The following PCDH15 variants were observed in gnomAD, a reference collection of about 807,000 sequenced individuals.
PCDH15 encodes the protein protocadherin related 15.
Under a neutral mutation model 178.5 loss-of-function variants are expected in PCDH15, and 129 were observed. The ratio of observed to expected loss-of-function variants is 0.72; its 90% CI spans 0.63 to 0.84. The LOEUF (loss-of-function observed/expected upper bound fraction) is 0.84. Ranked by LOEUF, PCDH15 falls within the 40% of genes least tolerant of loss-of-function variation. PCDH15 has a pLI of 0.00. For synonymous variants in PCDH15, 800 were observed against 732.0 expected (o/e 1.09, Z -1.50); for missense variants, 2,230 against 2,099.9 (o/e 1.06, Z -1.21).
At chr10:54,007,808 A>C (rs2092436085) in intron 20 of PCDH15, among the ~76,000 whole-genome samples, 1 of 152,158 alleles carries the variant, frequency 6.6e-6, no homozygotes, top group Admixed American at 6.6e-5. Flanking sequence ...TTTTGAAAGA[A>C]AGAACTTCAA....
At chr10:54,293,489 C>T (rs191446952) in intron 8 of PCDH15, among the ~76,000 whole-genome samples, 91 of 152,266 alleles carry the variant, frequency 6.0e-4, no homozygotes, top group African/African-American at 2.1e-3. Flanking sequence ...AACTAAAGAG[C>T]TTCTGCACAG....
intron 8 of PCDH15, among the ~76,000 whole-genome samples, chr10:54,274,012 A>T (rs564830038): frequency 6.6e-6 from 1 of 152,210 alleles, no homozygotes; most frequent in Middle Eastern, 3.4e-3. Flanking sequence ...GGAGGCCATT[A>T]TCCTTAGCAA....
At chr10:54,731,538 TG>T (rs1274573737) in intron 1 of PCDH15, among the ~76,000 whole-genome samples, 22 of 15,020 alleles carry the variant, frequency 1.5e-3, no homozygotes, top group Non-Finnish European at 2.9e-3. Context: ...AAAGAAAATG[TG>T]AGATAGATAT....
intron 2 of PCDH15, among the ~76,000 whole-genome samples, chr10:55,591,087 A>G (rs1842834428): frequency 6.6e-6 from 1 of 152,106 alleles, no homozygotes; most frequent in East Asian, 1.9e-4. Context: ...ATCTTCTATC[A>G]AAAACACCGA....
chr10:54,946,202 T>C (rs1482245660), intron 2 of PCDH15, among the ~76,000 whole-genome samples: 1 of 151,814 alleles, frequency 6.6e-6, no homozygotes, highest in East Asian at 1.9e-4. Flanking sequence ...ATATGAGTGG[T>C]ATATAGATGA....
intron 2 of PCDH15, among the ~76,000 whole-genome samples, chr10:55,363,648 G>C (rs777810355): frequency 6.6e-6 from 1 of 151,928 alleles, no homozygotes; most frequent in African/African-American, 2.4e-5. Context: ...TGGTTGGGAT[G>C]TGGGGGGACG....
intron 3 of PCDH15, among the ~76,000 whole-genome samples, chr10:54,427,818 A>T (rs1956480840): frequency 6.6e-6 from 1 of 152,164 alleles, no homozygotes; most frequent in African/African-American, 2.4e-5. Context: ...AGGGAAAGTT[A>T]TTCAAATATT....
chr10:55,296,963 T>C (rs748039869), intron 1 of PCDH15, among the ~76,000 whole-genome samples: 5 of 152,142 alleles, frequency 3.3e-5, no homozygotes, highest in Non-Finnish European at 7.4e-5. Flanking sequence ...ATAATTTTTG[T>C]GGGATGTACT....
chr10:53,957,374 A>G (rs891443098), intron 23 of PCDH15, among the ~76,000 whole-genome samples: 6 of 152,162 alleles, frequency 3.9e-5, no homozygotes, highest in African/African-American at 7.2e-5. Flanking sequence ...CAAAATTAAC[A>G]TGTTCAGAGA....
At chr10:54,123,871 G>A (rs2041769958) in intron 15 of PCDH15, among the ~76,000 whole-genome samples, 2 of 152,210 alleles carry the variant, frequency 1.3e-5, no homozygotes, top group South Asian at 4.1e-4. Context: ...ACAGCTGGAG[G>A]CCATCATCCT....
intron 32 of PCDH15, chr10:53,822,176 G>A: frequency 6.2e-7 from 1 of 1,613,946 alleles, no homozygotes; most frequent in South Asian, 1.1e-5. Context: ...GCATCAAGTT[G>A]GTCGTGCATT....
intron 2 of PCDH15, among the ~76,000 whole-genome samples, chr10:54,594,681 A>C (rs1395065952): frequency 6.6e-6 from 1 of 152,194 alleles, no homozygotes; most frequent in Non-Finnish European, 1.5e-5. Context: ...ATGTGTTTGC[A>C]GACAGACCTA....
intron 2 of PCDH15, among the ~76,000 whole-genome samples, chr10:55,061,469 T>C (rs1000185016): frequency 2.6e-5 from 4 of 152,184 alleles, no homozygotes; most frequent in Non-Finnish European, 5.9e-5. Flanking sequence ...CAAAATGTTA[T>C]AGCCACTTTA....
chr10:55,380,933 C>T (rs1837519190), intron 2 of PCDH15, among the ~76,000 whole-genome samples: 2 of 151,990 alleles, frequency 1.3e-5, no homozygotes, highest in African/African-American at 4.8e-5. Flanking sequence ...GGTTCAAAGC[C>T]CTCTGAAAGT....
chr10:55,625,411 T>G (rs548456698), intron 2 of PCDH15, among the ~76,000 whole-genome samples: 1 of 152,186 alleles, frequency 6.6e-6, no homozygotes, highest in Admixed American at 6.5e-5. Flanking sequence ...TCAAGTTCAT[T>G]AACACTAAGC....
At chr10:53,828,509 G>C in intron 31 of PCDH15, 56 bp downstream of exon 31, 1 of 1,399,280 alleles carries the variant, frequency 7.1e-7, no homozygotes, top group Non-Finnish European at 1.0e-6. Context: ...ATATAATCTC[G>C]GGTTTCTCTT....
chr10:54,215,040 T>C (rs924254646), intron 9 of PCDH15, among the ~76,000 whole-genome samples: 2 of 152,226 alleles, frequency 1.3e-5, no homozygotes, highest in African/African-American at 4.8e-5. Context: ...TATATACATT[T>C]GTAAAATTAA....
intron 11 of PCDH15, among the ~76,000 whole-genome samples, chr10:54,186,412 C>T (rs1040361689): frequency 1.3e-5 from 2 of 151,940 alleles, no homozygotes; most frequent in African/African-American, 2.4e-5. Context: ...GTAATGCACA[C>T]TACTATAATA....
At chr10:53,950,101 T>C (rs1378503150) in intron 23 of PCDH15, among the ~76,000 whole-genome samples, 1 of 152,086 alleles carries the variant, frequency 6.6e-6, no homozygotes, top group African/African-American at 2.4e-5. Flanking sequence ...GGTAAGATTA[T>C]CTTTTGAAGA....
Sources: gnomAD v4.1 joint callset for allele counts (sites outside exome capture counted in the v4.1 genomes callset) on GRCh38, gnomAD v4.1.1 for gene constraint, MANE v1.5 for transcripts, NCBI Gene and HGNC (gene_info 2026-07-23, HGNC 2026-07-21) for gene names.